Variants in VTI1A observed in about 807,000 individuals in gnomAD.
VTI1A encodes vesicle transport through interaction with t-SNAREs homolog 1A.
In VTI1A, 22 loss-of-function variants were observed where a neutral mutation model predicts 34.9. That is an observed-to-expected ratio of 0.63 (90% CI 0.45 to 0.90). The LOEUF (loss-of-function observed/expected upper bound fraction) is 0.90. VTI1A is among the 40% of genes least tolerant of loss of function. The probability of loss-of-function intolerance (pLI) is 0.00; values close to 1 mark genes in which losing one functional copy is unlikely to be tolerated. For synonymous variants in VTI1A, 87 were observed against 97.3 expected (o/e 0.89, Z 0.62); for missense variants, 268 against 275.6 (o/e 0.97, Z 0.20).
intron 3 of VTI1A, among the ~76,000 whole-genome samples, chr10:112,504,428 A>G (rs1849354008): frequency 6.6e-6 from 1 of 152,134 alleles, no homozygotes; most frequent in African/African-American, 2.4e-5. Flanking sequence ...TGCTATACAC[A>G]CTATTTTACA....
the VTI1A span, among the ~76,000 whole-genome samples, chr10:112,832,656 C>T: frequency 1.3e-5 from 2 of 152,238 alleles, no homozygotes; most frequent in African/African-American, 4.8e-5. Flanking sequence ...TCTTCCCTTA[C>T]CTGGGTGGCC....
chr10:112,655,903 G>A (rs934791267), intron 5 of VTI1A, among the ~76,000 whole-genome samples: 33 of 152,166 alleles, frequency 2.2e-4, no homozygotes, highest in Non-Finnish European at 1.2e-4. Context: ...TTTATTAAAA[G>A]CTTCCTAGAT....
chr10:112,533,799 C>T (rs1850529975), intron 4 of VTI1A, among the ~76,000 whole-genome samples: 1 of 146,454 alleles, frequency 6.8e-6, no homozygotes, highest in Non-Finnish European at 1.5e-5. Flanking sequence ...ACTTTAAAGG[C>T]CAAAAAAAAG....
chr10:112,660,350 G>A lies in VTI1A; in HGVS notation c.428-7868G>A, dbSNP rs191957281. On this transcript the variant is annotated intron_variant, in intron 5 of 7. Coordinates refer to ENST00000393077, the MANE Select transcript of VTI1A (RefSeq NM_145206.4). ...CTTGACCTTGTGATCCGCCCTCCTC[G>A]GCCTCCCAAAGTGCTGGGATTACAG... Among the ~76,000 whole-genome samples, 526 of 152,164 alleles carry A rather than the reference G, an allele frequency of 3.5e-3. 2 individuals are homozygous for A. The highest frequency in any genetic ancestry group is 5.1e-3 in the Non-Finnish European group (347 of 67,990).
chr10:112,656,093 A>G (rs140037928), intron 5 of VTI1A, among the ~76,000 whole-genome samples: 20 of 152,342 alleles, frequency 1.3e-4, no homozygotes, highest in African/African-American at 3.6e-4. Flanking sequence ...TCTGTTGTCA[A>G]TTGAGAAAAG....
chr10:112,610,906 G>A (rs1056777611), intron 5 of VTI1A, among the ~76,000 whole-genome samples: 1 of 150,836 alleles, frequency 6.6e-6, no homozygotes, highest in Non-Finnish European at 1.5e-5. Flanking sequence ...GCGACAGAGC[G>A]AGACTCCATC....
intron 7 of VTI1A, 139 bp downstream of exon 7, chr10:112,669,137 CAG>C: frequency 2.2e-6 from 2 of 889,332 alleles, no homozygotes; most frequent in Non-Finnish European, 3.4e-6. Context: ...TTTGAAATAA[CAG>C]AGCACTGATG....
chr10:112,579,227 G>C (rs1351179640), intron 5 of VTI1A, among the ~76,000 whole-genome samples: 1 of 152,096 alleles, frequency 6.6e-6, no homozygotes, highest in Non-Finnish European at 1.5e-5. Flanking sequence ...AAAAATTCTA[G>C]GAAAACCTTA....
intron 3 of VTI1A, among the ~76,000 whole-genome samples, chr10:112,489,559 G>A (rs1443192123): frequency 6.6e-6 from 1 of 152,092 alleles, no homozygotes; most frequent in Non-Finnish European, 1.5e-5. Context: ...TCTTTACATT[G>A]GGATGACTAA....
At chr10:112,479,528 T>A (rs1021650266) in intron 3 of VTI1A, among the ~76,000 whole-genome samples, 3 of 152,160 alleles carry the variant, frequency 2.0e-5, no homozygotes, top group African/African-American at 7.2e-5. Flanking sequence ...ATCAACCACT[T>A]GAGAAGAGAC....
At chr10:112,547,187 G>T (rs1851162519) in intron 5 of VTI1A, among the ~76,000 whole-genome samples, 1 of 152,102 alleles carries the variant, frequency 6.6e-6, no homozygotes, top group Non-Finnish European at 1.5e-5. Flanking sequence ...GGCTGAGGTG[G>T]GAGGATGACT....
chr10:112,760,254 C>A (rs558030278), intron 7 of VTI1A, among the ~76,000 whole-genome samples: 1 of 152,258 alleles, frequency 6.6e-6, no homozygotes, highest in South Asian at 2.1e-4. Context: ...TTTCCCTGTA[C>A]ATGTATACCT....
intron 3 of VTI1A, among the ~76,000 whole-genome samples, chr10:112,493,570 T>A (rs2134131698): frequency 6.6e-6 from 1 of 152,314 alleles, no homozygotes; most frequent in East Asian, 1.9e-4. Context: ...GGAAGTATTC[T>A]GATTTTCACT....
chr10:112,597,278 T>C (rs778551852), intron 5 of VTI1A, among the ~76,000 whole-genome samples: 11 of 152,098 alleles, frequency 7.2e-5, no homozygotes, highest in Non-Finnish European at 1.5e-4. Flanking sequence ...AGTGCAATGA[T>C]GCGGTCTCGG....
chr10:112,726,010 G>C (rs962796576), intron 7 of VTI1A, among the ~76,000 whole-genome samples: 8 of 152,136 alleles, frequency 5.3e-5, no homozygotes, highest in African/African-American at 1.9e-4. Flanking sequence ...CCTTTCCTTA[G>C]GAAATAGTAT....
chr10:112,734,840 A>C (rs1286214479), intron 7 of VTI1A, among the ~76,000 whole-genome samples: 1 of 151,912 alleles, frequency 6.6e-6, no homozygotes, highest in Non-Finnish European at 1.5e-5. Context: ...TTTTTGGTAG[A>C]GATGGGGTCT....
At chr10:112,523,787 A>G (rs146412395) in intron 3 of VTI1A, among the ~76,000 whole-genome samples, 6 of 152,280 alleles carry the variant, frequency 3.9e-5, no homozygotes, top group Admixed American at 3.3e-4. Flanking sequence ...GCTTATGTAT[A>G]GAAGTCATTA....
chr10:112,662,920 C>T (rs1590042184), intron 5 of VTI1A, among the ~76,000 whole-genome samples: 1 of 90,798 alleles, frequency 1.1e-5, no homozygotes, highest in African/African-American at 3.4e-5. Flanking sequence ...TATGCTTCTT[C>T]TTACAAACAA....
chr10:112,465,559 C>G (rs1847868669), intron 3 of VTI1A, among the ~76,000 whole-genome samples: 1 of 152,216 alleles, frequency 6.6e-6, no homozygotes, highest in Non-Finnish European at 1.5e-5. Flanking sequence ...TCACATGCAA[C>G]AACTTGAATG....
Sources: gnomAD v4.1 joint callset for allele counts (sites outside exome capture counted in the v4.1 genomes callset) on GRCh38, gnomAD v4.1.1 for gene constraint, MANE v1.5 for transcripts, NCBI Gene and HGNC (gene_info 2026-07-23, HGNC 2026-07-21) for gene names.